CACNA2D3: variants seen among roughly 807,000 people sequenced by gnomAD.
CACNA2D3 encodes calcium voltage-gated channel auxiliary subunit alpha2delta 3, also known as voltage-dependent calcium channel subunit alpha-2/delta-3.
CACNA2D3 carries 60 observed loss-of-function variants against 160.6 expected under a neutral mutation model. The observed-to-expected ratio is 0.37, with a 90% confidence interval of 0.30 to 0.46. The LOEUF is 0.46. Ranked by LOEUF, CACNA2D3 falls within the 20% of genes least tolerant of loss-of-function variation. CACNA2D3 has a pLI of 1.00. For missense variants in CACNA2D3, 1,205 were observed against 1,365.0 expected, an observed-to-expected ratio of 0.88 and a Z score of 1.85; for synonymous variants, 558 against 492.9, an observed-to-expected ratio of 1.13 and a Z score of -1.75.
chr3:54,635,029 G>T (rs1699336027), intron 10 of CACNA2D3, among the ~76,000 whole-genome samples: 1 of 151,844 alleles, frequency 6.6e-6, no homozygotes, highest in South Asian at 2.1e-4. Context: ...GAGAGTGGAC[G>T]ATGTTTCTCA....
intron 4 of CACNA2D3, among the ~76,000 whole-genome samples, chr3:54,485,470 G>A (rs915822056): frequency 2.6e-5 from 4 of 152,050 alleles, no homozygotes; most frequent in Admixed American, 6.6e-5. Flanking sequence ...AGTGTGAGCC[G>A]TCTAGCAATC....
intron 11 of CACNA2D3, among the ~76,000 whole-genome samples, chr3:54,734,318 C>G (rs1347674903): frequency 6.6e-6 from 1 of 152,152 alleles, no homozygotes; most frequent in African/African-American, 2.4e-5. Flanking sequence ...ACATGCATAT[C>G]AGAAAGAAAT....
intron 2 of CACNA2D3, among the ~76,000 whole-genome samples, chr3:54,190,698 C>CT (rs961450020): frequency 2.0e-5 from 3 of 152,176 alleles, no homozygotes; most frequent in African/African-American, 7.2e-5. Context: ...AAGTAAATCT[C>CT]TTTTTTTCAA....
chr3:54,587,216 G>A (rs1181026363), intron 9 of CACNA2D3, among the ~76,000 whole-genome samples: 1 of 151,944 alleles, frequency 6.6e-6, no homozygotes, highest in Non-Finnish European at 1.5e-5. Context: ...ACCAAAAGCT[G>A]GTTCTTTAAA....
intron 11 of CACNA2D3, among the ~76,000 whole-genome samples, chr3:54,682,545 G>A (rs78065930): frequency 1.3e-5 from 2 of 152,082 alleles, no homozygotes; most frequent in African/African-American, 2.4e-5. Flanking sequence ...AGAATCGCTT[G>A]AGCTGCAGTG....
At chr3:54,814,522 T>C (rs1284993300) in intron 13 of CACNA2D3, among the ~76,000 whole-genome samples, 1 of 152,238 alleles carries the variant, frequency 6.6e-6, no homozygotes, top group African/African-American at 2.4e-5. Context: ...ACAGAGGATC[T>C]GATCTAAATA....
intron 4 of CACNA2D3, among the ~76,000 whole-genome samples, chr3:54,434,732 A>C (rs183476290): frequency 6.6e-6 from 1 of 152,216 alleles, no homozygotes; most frequent in Non-Finnish European, 1.5e-5. Context: ...GACCATTCTC[A>C]GAGTTGAGGG....
Position 54,886,310 on chromosome 3 carries a change from C to T in CACNA2D3, c.2056+724C>T, listed in dbSNP as rs548936901. On this transcript the variant is annotated intron_variant, in intron 23 of 37. Coordinates refer to ENST00000474759, the MANE Select transcript of CACNA2D3 (RefSeq NM_018398.3). The stretch of plus-strand genomic sequence containing the variant: ...AGGAGATTATCCAGCTACTAAATGA[C>T]ATCTCCATAGAATGGATTTACTTTT... Among the ~76,000 whole-genome samples, 611 of 152,308 alleles carry T rather than the reference C, an allele frequency of 4.0e-3. 3 individuals are homozygous for T. The highest frequency in any genetic ancestry group is 0.022 in the South Asian group (106 of 4,828).
intron 2 of CACNA2D3, among the ~76,000 whole-genome samples, chr3:54,229,036 C>A (rs1472285395): frequency 6.6e-6 from 1 of 152,194 alleles, no homozygotes; most frequent in Non-Finnish European, 1.5e-5. Context: ...GGAATGAATG[C>A]ATACGTTTCC....
chr3:54,764,715 A>C (rs894325709), intron 13 of CACNA2D3, among the ~76,000 whole-genome samples: 47 of 152,170 alleles, frequency 3.1e-4, no homozygotes, highest in African/African-American at 1.1e-3. Context: ...CCTGGCAATG[A>C]ATCTTTGTGT....
At chr3:54,276,360 G>A (rs1702738336) in intron 2 of CACNA2D3, among the ~76,000 whole-genome samples, 1 of 152,102 alleles carries the variant, frequency 6.6e-6, no homozygotes, top group Admixed American at 6.5e-5. Flanking sequence ...CTTGAAACCA[G>A]GAGTTCAAGA....
intron 34 of CACNA2D3, among the ~76,000 whole-genome samples, chr3:55,012,278 G>A (rs1449406152): frequency 6.6e-6 from 1 of 152,122 alleles, no homozygotes; most frequent in Non-Finnish European, 1.5e-5. Flanking sequence ...ATGGTGGGTG[G>A]GCGCTCATGC....
intron 2 of CACNA2D3, among the ~76,000 whole-genome samples, chr3:54,258,025 T>A (rs7340744): frequency 0.44 from 67,326 of 151,974 alleles, 15,013 homozygotes; most frequent in African/African-American, 0.48. Context: ...ATAAGTAAAT[T>A]CAAGTTCATA....
At chr3:54,196,709 A>G (rs1481795634) in intron 2 of CACNA2D3, among the ~76,000 whole-genome samples, 1 of 152,222 alleles carries the variant, frequency 6.6e-6, no homozygotes, top group East Asian at 1.9e-4. Flanking sequence ...TTAATTTCAC[A>G]TAGAAAATAA....
rs551518921 is a variant in CACNA2D3, at chr3:54,229,965, G to A, written c.205-90477G>A. Among the ~76,000 whole-genome samples, 4 of 152,180 alleles carry A rather than the reference G, an allele frequency of 2.6e-5. No individual in the cohort carries two copies. The South Asian group carries it at 8.3e-4, about 32-fold the overall frequency. ...TGTGTTTTTTGCCACTGCAACATAC[G>A]ATGCTTCTGAATAACACAGGGCAGG... On this transcript the variant is annotated intron_variant, in intron 2 of 37. Transcript: ENST00000474759.
chr3:54,569,879 G>A (rs1702466128), intron 7 of CACNA2D3, 24 bp downstream of exon 7: 2 of 1,611,464 alleles, frequency 1.2e-6, no homozygotes, highest in South Asian at 2.2e-5. Flanking sequence ...AGACCTCTTT[G>A]TTATTTCTCA....
chr3:54,462,529 A>G (rs990216920), intron 4 of CACNA2D3, among the ~76,000 whole-genome samples: 6 of 152,192 alleles, frequency 3.9e-5, no homozygotes, highest in African/African-American at 1.2e-4. Context: ...CCATTATGCA[A>G]TGGCCTTCTT....
chr3:55,053,506 C>A (rs952846023), intron 35 of CACNA2D3, among the ~76,000 whole-genome samples: 1 of 152,010 alleles, frequency 6.6e-6, no homozygotes, highest in South Asian at 2.1e-4. Context: ...GTATATAGTT[C>A]CTGCACATCT....
At chr3:54,241,039 C>G (rs1485936485) in intron 2 of CACNA2D3, among the ~76,000 whole-genome samples, 1 of 152,212 alleles carries the variant, frequency 6.6e-6, no homozygotes, top group African/African-American at 2.4e-5. Flanking sequence ...CTGCACCTGG[C>G]TAGAGTCTTT....
Sources: gnomAD v4.1 joint callset for allele counts (sites outside exome capture counted in the v4.1 genomes callset) on GRCh38, gnomAD v4.1.1 for gene constraint, MANE v1.5 for transcripts, NCBI Gene and HGNC (gene_info 2026-07-23, HGNC 2026-07-21) for gene names.